CLECL1: variants seen among roughly 807,000 people sequenced by gnomAD.
CLECL1 encodes C-type lectin-like domain family 1.
At chr12:9,721,268 C>T (rs1031710570), downstream of CLECL1, among the ~76,000 whole-genome samples, 12 of 151,656 alleles carry the variant, frequency 7.9e-5, no homozygotes, top group African/African-American at 2.4e-4. Context: ...TGAGAATAAT[C>T]GCTAGAAAAT....
downstream of CLECL1, among the ~76,000 whole-genome samples, chr12:9,711,368 GCTACTT>G (rs1866199222): frequency 6.6e-6 from 1 of 152,120 alleles, no homozygotes; most frequent in Non-Finnish European, 1.5e-5. Flanking sequence ...AATTGCATTG[GCTACTT>G]AATCTAAAAG....
chr12:9,713,221 T>A (rs1026373444), downstream of CLECL1, among the ~76,000 whole-genome samples: 2 of 152,240 alleles, frequency 1.3e-5, no homozygotes, highest in Admixed American at 1.3e-4. Flanking sequence ...CTGGAATCTA[T>A]GAATAACATC....
chr12:9,721,247 A>C (rs188940746), downstream of CLECL1, among the ~76,000 whole-genome samples: 64 of 151,424 alleles, frequency 4.2e-4, no homozygotes, highest in African/African-American at 1.5e-3. Context: ...ACTTTAACTT[A>C]CTTGAGAACT....
At chr12:9,733,345 C>A, upstream of CLECL1, 1 of 964,920 alleles carries the variant, frequency 1.0e-6, no homozygotes, top group Non-Finnish European at 1.6e-6. Flanking sequence ...CAGAAGATAT[C>A]TCACCATTTT....
Position 9,725,577 on chromosome 12 carries a change from G to T in CLECL1, n.262+1988C>A, listed in dbSNP as rs966779146. ...AAAATAGATTTCTAAAGTAGAACAA[G>T]ATAGATAAATAATAGTTTATTTATA... is the stretch of plus-strand genomic sequence containing the variant. On this transcript the variant is annotated intron_variant and non_coding_transcript_variant, in intron 3 of 3. Transcript: ENST00000621400. Among the ~76,000 whole-genome samples the T allele has an allele frequency of 5.9e-5, 9 of 152,120 alleles. No homozygotes were observed. The East Asian group carries it at 1.5e-3, about 26-fold the overall frequency.
At chr12:9,725,547 A>AC (rs1565482446) in intron 3 of CLECL1, among the ~76,000 whole-genome samples, 15 of 103,480 alleles carry the variant, frequency 1.4e-4, no homozygotes, top group African/African-American at 6.6e-4. Flanking sequence ...ATCATAGAAT[A>AC]TAAAAAAATA....
At chr12:9,715,647 A>C (rs961173710), downstream of CLECL1, among the ~76,000 whole-genome samples, 4 of 152,130 alleles carry the variant, frequency 2.6e-5, no homozygotes, top group Admixed American at 1.3e-4. Context: ...GCTCTCATTC[A>C]CAAATTTTTG....
downstream of CLECL1, among the ~76,000 whole-genome samples, chr12:9,712,819 T>G (rs1280142027): frequency 6.6e-6 from 1 of 152,168 alleles, no homozygotes; most frequent in Admixed American, 6.5e-5. Context: ...TAAAGCTTTT[T>G]TATGTAAGTA....
chr12:9,727,790 A>G (rs2121059804), intron 2 of CLECL1, among the ~76,000 whole-genome samples: 1 of 151,938 alleles, frequency 6.6e-6, no homozygotes, highest in Middle Eastern at 3.4e-3. Context: ...CAAAAGTTAA[A>G]TGATTAAAAA....
chr12:9,726,877 C>T (rs1411308231), intron 3 of CLECL1, among the ~76,000 whole-genome samples: 1 of 151,828 alleles, frequency 6.6e-6, no homozygotes, highest in Non-Finnish European at 1.5e-5. Flanking sequence ...ACGAGATAGT[C>T]TTTAGATTGT....
chr12:9,725,710 T>C (rs1866371741), intron 3 of CLECL1, among the ~76,000 whole-genome samples: 1 of 152,044 alleles, frequency 6.6e-6, no homozygotes, highest in Admixed American at 6.6e-5. Flanking sequence ...TGTTGTTTCT[T>C]TGAAGATGTT....
rs750627618 is a variant in CLECL1, at chr12:9,732,931, A to G, written n.82+18T>C. On this transcript the variant is annotated intron_variant and non_coding_transcript_variant, in intron 1 of 3. Coordinates refer to ENST00000621400, the Ensembl canonical transcript of CLECL1. ...TAGTAAAATCTTAATTCTCAAAGGC[A>G]CCCTAAATCCAGCTTACCAGATCTC... 31 of 1,558,478 alleles carry G rather than the reference A, an allele frequency of 2.0e-5. No homozygotes were observed. Among genetic ancestry groups the G allele is most frequent in the African/African-American group, 2.8e-5 (2 of 72,490 alleles).
chr12:9,732,611 G>A lies in CLECL1; in HGVS notation n.82+338C>T, dbSNP rs116881983. Among the ~76,000 whole-genome samples, 845 of 152,246 alleles carry A rather than the reference G, an allele frequency of 5.6e-3. 31 individuals are homozygous for A. The East Asian group carries it at 0.1, about 18-fold the overall frequency. On this transcript the variant is annotated intron_variant and non_coding_transcript_variant, in intron 1 of 3. Coordinates refer to ENST00000621400, the Ensembl canonical transcript of CLECL1. ...TGAATTTATCACATTATGTTAAAAGGTCAGATTTGATTGAGAGTGAGCAAA... is the reference window on the plus strand; with the variant it reads ...TGAATTTATCACATTATGTTAAAAGATCAGATTTGATTGAGAGTGAGCAAA...
Position 9,723,213 on chromosome 12 carries a change from T to C in CLECL1, n.263-400A>G, listed in dbSNP as rs912364525. Among the ~76,000 whole-genome samples the C allele has an allele frequency of 3.9e-5, 6 of 152,304 alleles. No individual in the cohort carries two copies. In the East Asian group the frequency reaches 1.2e-3, roughly 29 times the overall value. ...ATGTTGGGAGTTTATATCACACTAG[T>C]ATAGTTATTCACAAGCAAAATTTGT... On this transcript the variant is annotated intron_variant and non_coding_transcript_variant, in intron 3 of 3. Coordinates refer to ENST00000621400, the Ensembl canonical transcript of CLECL1.
the CLECL1 span, among the ~76,000 whole-genome samples, chr12:9,705,830 G>A: frequency 2.0e-5 from 3 of 152,164 alleles, no homozygotes; most frequent in Non-Finnish European, 2.9e-5. Context: ...ATTGGGTAGT[G>A]TGATGCCTCT....
chr12:9,702,373 C>CT, the CLECL1 span, among the ~76,000 whole-genome samples: 1 of 152,148 alleles, frequency 6.6e-6, no homozygotes, highest in African/African-American at 2.4e-5. Flanking sequence ...GCTGCTTCTT[C>CT]TTTTCTTTCT....
downstream of CLECL1, among the ~76,000 whole-genome samples, chr12:9,719,556 A>G (rs974909141): frequency 3.3e-5 from 5 of 151,480 alleles, no homozygotes; most frequent in African/African-American, 1.2e-4. Flanking sequence ...AAGAAAGAGA[A>G]CAGCCTGGGC....
the CLECL1 span, among the ~76,000 whole-genome samples, chr12:9,703,242 C>T: frequency 6.6e-6 from 1 of 152,082 alleles, no homozygotes; most frequent in Admixed American, 6.6e-5. Flanking sequence ...GATTTATGTC[C>T]CTTAAGGCAT....
intron 1 of CLECL1, among the ~76,000 whole-genome samples, chr12:9,729,986 A>T (rs776686139): frequency 6.6e-6 from 1 of 152,186 alleles, no homozygotes; most frequent in Admixed American, 6.5e-5. Context: ...AGATTCTCTA[A>T]TAAGCTTATT....
Sources: gnomAD v4.1 joint callset for allele counts (sites outside exome capture counted in the v4.1 genomes callset) on GRCh38, gnomAD v4.1.1 for gene constraint, MANE v1.5 for transcripts, NCBI Gene and HGNC (gene_info 2026-07-23, HGNC 2026-07-21) for gene names.